TMCC1: variants seen among roughly 807,000 people sequenced by gnomAD.
TMCC1 encodes the protein transmembrane and coiled-coil domains protein 1.
TMCC1 carries 15 observed loss-of-function variants against 52.4 expected under a neutral mutation model. The ratio of observed to expected loss-of-function variants is 0.29; its 90% CI spans 0.19 to 0.44. TMCC1 has a LOEUF of 0.44. TMCC1 is among the 20% of genes least tolerant of loss of function. The pLI, the probability that TMCC1 is intolerant of heterozygous loss-of-function variation, is 1.00. For missense variants in TMCC1, 503 were observed against 806.0 expected (o/e 0.62, Z 4.55); for synonymous variants, 279 against 301.9 (o/e 0.92, Z 0.79).
intron 4 of TMCC1, among the ~76,000 whole-genome samples, chr3:129,800,201 T>C (rs983207943): frequency 2.6e-5 from 4 of 152,236 alleles, no homozygotes; most frequent in African/African-American, 9.6e-5. Flanking sequence ...TTATAGTATA[T>C]GCCAGTGTAT....
intron 4 of TMCC1, among the ~76,000 whole-genome samples, chr3:129,712,001 CAAAAAAAAAAAAAAA>C (rs71155567): frequency 2.1e-5 from 1 of 47,722 alleles, no homozygotes; most frequent in African/African-American, 1.1e-4. Flanking sequence ...GACTCTGTCT[CAAAAAAAAAAAAAAA>C]AAAAAAAAAA....
In TMCC1 at chr3:129,853,982, ACT is replaced by A. The variant is rs543250864; in HGVS notation, c.-183-21158_-183-21157del. ...CCTTTCTATCCTCTTTACCAGCACA[ACT>A]CTGTCTAAATGAGCCACCATTACCT... On this transcript the variant is annotated intron_variant, in intron 2 of 6. Coordinates refer to ENST00000393238, the MANE Select transcript of TMCC1 (RefSeq NM_001017395.5). 6.6e-5 allele frequency among the ~76,000 whole-genome samples: 10 copies of A among 151,994 alleles called. No individual in the cohort carries two copies. In the South Asian group the frequency reaches 2.1e-3, roughly 32 times the overall value.
intron 2 of TMCC1, among the ~76,000 whole-genome samples, chr3:129,842,088 C>G (rs2059445119): frequency 6.6e-6 from 1 of 152,136 alleles, no homozygotes; most frequent in Non-Finnish European, 1.5e-5. Flanking sequence ...TGAGGCAAAA[C>G]TGATAGGTAT....
At chr3:129,775,698 C>G (rs932321555) in intron 4 of TMCC1, among the ~76,000 whole-genome samples, 1 of 152,134 alleles carries the variant, frequency 6.6e-6, no homozygotes, top group African/African-American at 2.4e-5. Context: ...TTCCCACATT[C>G]AATCCATTAC....
In TMCC1 at chr3:129,650,806, G is replaced by T. The variant is rs763578088; in HGVS notation, c.*675C>A. 6.6e-6 allele frequency: 1 copy of T among 152,590 alleles called. No homozygotes were observed. The highest frequency in any genetic ancestry group is 1.5e-5 in the Non-Finnish European group (1 of 68,050). The allele number at this position is 152,590 out of a possible 1,614,324, so 9.5% of individuals were successfully genotyped here. On this transcript the variant is annotated 3_prime_UTR_variant, in exon 7 of 7. Transcript: ENST00000393238. ...GATTTTGCTTAAAATTAAGTATTTA[G>T]AGGGCTACTTAAAAATACTGTAGTA...
intron 4 of TMCC1, among the ~76,000 whole-genome samples, chr3:129,686,679 A>T (rs1436143086): frequency 6.6e-6 from 1 of 152,204 alleles, no homozygotes; most frequent in Non-Finnish European, 1.5e-5. Flanking sequence ...TAAATTGTGT[A>T]AAGTGCTACA....
intron 4 of TMCC1, among the ~76,000 whole-genome samples, chr3:129,713,213 G>C (rs929138671): frequency 1.3e-5 from 2 of 152,204 alleles, no homozygotes; most frequent in South Asian, 4.1e-4. Context: ...AGTGAGCAGT[G>C]ATCATGCCAC....
At chr3:129,766,763 C>A (rs919680483) in intron 4 of TMCC1, among the ~76,000 whole-genome samples, 2 of 151,850 alleles carry the variant, frequency 1.3e-5, no homozygotes, top group African/African-American at 4.8e-5. Flanking sequence ...GGACTACAGG[C>A]GTGCAACACC....
At chr3:129,722,321 C>T (rs1308001256) in intron 4 of TMCC1, among the ~76,000 whole-genome samples, 2 of 152,100 alleles carry the variant, frequency 1.3e-5, no homozygotes, top group African/African-American at 2.4e-5. Context: ...GTTGCATGCT[C>T]CTTATGATAA....
At chr3:129,756,081 G>A (rs2052976219) in intron 4 of TMCC1, among the ~76,000 whole-genome samples, 1 of 137,356 alleles carries the variant, frequency 7.3e-6, no homozygotes, top group Non-Finnish European at 1.5e-5. Flanking sequence ...CTGGGCCACA[G>A]AGCAAGACTC....
At chr3:129,743,025 C>T (rs538096598) in intron 4 of TMCC1, among the ~76,000 whole-genome samples, 49 of 151,930 alleles carry the variant, frequency 3.2e-4, no homozygotes, top group Non-Finnish European at 6.8e-4. Flanking sequence ...TGCCTAGTGC[C>T]GGGGGAGAAT....
intron 2 of TMCC1, among the ~76,000 whole-genome samples, chr3:129,864,310 CAG>C (rs2060526154): frequency 6.6e-6 from 1 of 152,154 alleles, no homozygotes; most frequent in South Asian, 2.1e-4. Flanking sequence ...TAGCAAGTGG[CAG>C]AGTCAAATCA....
chr3:129,764,803 T>A (rs2053987659), intron 4 of TMCC1, among the ~76,000 whole-genome samples: 1 of 108,842 alleles, frequency 9.2e-6, no homozygotes, highest in Admixed American at 1.0e-4. Flanking sequence ...TTTTTTTTTT[T>A]TTTTTTTTTT....
intron 4 of TMCC1, among the ~76,000 whole-genome samples, chr3:129,722,392 C>T (rs1425598731): frequency 6.6e-6 from 1 of 152,118 alleles, no homozygotes; most frequent in East Asian, 1.9e-4. Flanking sequence ...CCCACTCCAA[C>T]CTTGCCCACA....
intron 5 of TMCC1, among the ~76,000 whole-genome samples, chr3:129,659,177 G>T (rs2086865783): frequency 1.3e-5 from 2 of 148,276 alleles, no homozygotes; most frequent in Admixed American, 1.4e-4. Flanking sequence ...ATGGCTCACT[G>T]CAGCCTCAAA....
intron 4 of TMCC1, among the ~76,000 whole-genome samples, chr3:129,697,930 G>A (rs2047532418): frequency 6.6e-6 from 1 of 152,078 alleles, no homozygotes; most frequent in South Asian, 2.1e-4. Flanking sequence ...AAACTTTCCT[G>A]CATCTTCCTG....
At chr3:129,749,296 T>C (rs2052285625) in intron 4 of TMCC1, among the ~76,000 whole-genome samples, 1 of 152,054 alleles carries the variant, frequency 6.6e-6, no homozygotes, top group Non-Finnish European at 1.5e-5. Flanking sequence ...TGATATCATA[T>C]AAAAAACTCC....
At chr3:129,710,416 G>A (rs1458627664) in intron 4 of TMCC1, among the ~76,000 whole-genome samples, 2 of 152,028 alleles carry the variant, frequency 1.3e-5, no homozygotes, top group African/African-American at 4.8e-5. Context: ...TTCTGCCTCG[G>A]ACTCCCAAGT....
At chr3:129,833,139 G>C (rs4688814) in intron 2 of TMCC1, among the ~76,000 whole-genome samples, 1 of 152,040 alleles carries the variant, frequency 6.6e-6, no homozygotes, top group Non-Finnish European at 1.5e-5. Context: ...ACTGAATAAG[G>C]AATGGATATT....
Sources: gnomAD v4.1 joint callset for allele counts (sites outside exome capture counted in the v4.1 genomes callset) on GRCh38, gnomAD v4.1.1 for gene constraint, MANE v1.5 for transcripts, NCBI Gene and HGNC (gene_info 2026-07-23, HGNC 2026-07-21) for gene names.